Variants in ZEB2 observed in about 807,000 individuals in gnomAD.
The protein encoded by ZEB2 is zinc finger E-box binding homeobox 2.
A neutral mutation model predicts 99.9 loss-of-function variants in ZEB2; 6 were observed. The ratio of observed to expected loss-of-function variants is 0.06; its 90% confidence interval spans 0.03 to 0.12. The LOEUF (loss-of-function observed/expected upper bound fraction) is 0.12, where lower values mean the gene tolerates loss of function less well. Ranked by LOEUF, ZEB2 falls within the 10% of genes least tolerant of loss-of-function variation. ZEB2 has a pLI of 1.00. For synonymous variants in ZEB2, 517 were observed against 542.5 expected (o/e 0.95, Z 0.65); for missense variants, 969 against 1,502.8 (o/e 0.64, Z 5.87).
intron 4 of ZEB2, among the ~76,000 whole-genome samples, chr2:144,423,611 C>T (rs183036370): frequency 6.6e-6 from 1 of 152,218 alleles, no homozygotes; most frequent in Non-Finnish European, 1.5e-5. Context: ...AATTAGGATT[C>T]TTGGTGCTTG....
At chr2:144,402,444 A>G (rs955976728) in intron 6 of ZEB2, among the ~76,000 whole-genome samples, 2 of 152,292 alleles carry the variant, frequency 1.3e-5, no homozygotes, top group Non-Finnish European at 2.9e-5. Context: ...GCCGAGCGCC[A>G]TTGAGGGACC....
intron 4 of ZEB2, among the ~76,000 whole-genome samples, chr2:144,409,030 G>A (rs1158936571): frequency 2.0e-5 from 3 of 152,154 alleles, no homozygotes; most frequent in Admixed American, 1.3e-4. Context: ...TATGAAGAGA[G>A]AATAAAGCAG....
intron 2 of ZEB2, among the ~76,000 whole-genome samples, chr2:144,434,154 G>A (rs571272615): frequency 6.6e-6 from 1 of 152,280 alleles, no homozygotes; most frequent in East Asian, 1.9e-4. Flanking sequence ...ACCAGAAGCA[G>A]AAACTCTATT....
At chr2:144,511,427 T>C in intron 2 of ZEB2, 1 of 1,240,150 alleles carries the variant, frequency 8.1e-7, no homozygotes, top group Non-Finnish European at 1.0e-6. Flanking sequence ...AACTACTAGT[T>C]ACACTTTTCC....
At chr2:144,492,044 T>C (rs1704688184) in intron 2 of ZEB2, among the ~76,000 whole-genome samples, 1 of 152,208 alleles carries the variant, frequency 6.6e-6, no homozygotes, top group South Asian at 2.1e-4. Context: ...TTGTGCTTCT[T>C]CTTTTCTGAT....
chr2:144,385,505 G>A lies in ZEB2; in HGVS notation c.*3946C>T, dbSNP rs1042859309. ...ATAATTGCATTGAGCATGTTTATTTGAATAATTGCCCCATTGCACAATAAA... is the reference window on the plus strand; with the variant it reads ...ATAATTGCATTGAGCATGTTTATTTAAATAATTGCCCCATTGCACAATAAA... On this transcript the variant is annotated 3_prime_UTR_variant, in exon 10 of 10. Coordinates refer to ENST00000627532, the MANE Select transcript of ZEB2 (RefSeq NM_014795.4). 6.6e-6 allele frequency: 1 copy of A among 152,012 alleles called. No individual in the cohort carries two copies. The highest frequency in any genetic ancestry group is 1.5e-5 in the Non-Finnish European group (1 of 68,010). 9.4% of individuals were successfully genotyped at this position (152,012 alleles called of 1,614,324 possible).
intron 2 of ZEB2, among the ~76,000 whole-genome samples, chr2:144,450,636 C>T (rs1226356892): frequency 6.6e-6 from 1 of 152,130 alleles, no homozygotes; most frequent in Non-Finnish European, 1.5e-5. Flanking sequence ...TGGCTTACAA[C>T]TGCATGTTAC....
intron 2 of ZEB2, among the ~76,000 whole-genome samples, chr2:144,508,968 CT>C (rs573618398): frequency 3.9e-4 from 59 of 149,456 alleles, no homozygotes; most frequent in African/African-American, 1.2e-3. Context: ...TTTTTTCTAT[CT>C]TTTTTTTTTC....
In ZEB2 at chr2:144,399,959, T is replaced by C; in HGVS notation, c.1228A>G (p.Ser410Gly). ...CCATTCATAAAGGGACTAGTGCCAC[T>C]AAACCCGTGTGTAGCCATAAGAACT... ...YKVLMATHGF[S>G]GTSPFMNGGL... The change falls in exon 8 of 10, where the codon AGT becomes GGT. Residue 410 changes from serine to glycine, a missense_variant. Physicochemically the swap from Ser to Gly is moderately conservative, Grantham distance 56. Around this residue, in one of 8 missense-constraint regions of ZEB2, gnomAD observed 227 missense variants for 278.2 expected, o/e 0.82. Coordinates refer to ENST00000627532, the MANE Select transcript of ZEB2 (RefSeq NM_014795.4). The surrounding 1 kb of genome is among the most constrained non-coding windows in gnomAD (Gnocchi z 5.6). The C allele has an allele frequency of 6.2e-7, 1 of 1,614,228 alleles. No homozygotes were observed. Among genetic ancestry groups the C allele is most frequent in the Non-Finnish European group, 8.5e-7 (1 of 1,180,026 alleles).
intron 2 of ZEB2, among the ~76,000 whole-genome samples, chr2:144,503,135 G>A (rs1451758068): frequency 4.6e-5 from 7 of 152,056 alleles, no homozygotes; most frequent in African/African-American, 1.7e-4. Context: ...CAGCTAAGAG[G>A]CTACTGGCAA....
At chr2:144,414,217 C>G (rs1703503713) in intron 4 of ZEB2, among the ~76,000 whole-genome samples, 1 of 152,208 alleles carries the variant, frequency 6.6e-6, no homozygotes, top group Admixed American at 6.5e-5. Flanking sequence ...AGCAGTGCCT[C>G]TCTGATTCCA....
intron 2 of ZEB2, among the ~76,000 whole-genome samples, chr2:144,502,812 G>C (rs1704893418): frequency 6.6e-6 from 1 of 151,068 alleles, no homozygotes. Flanking sequence ...TAATTCTTCT[G>C]CTATCTCTTA....
At chr2:144,506,894 C>G (rs1449904165) in intron 2 of ZEB2, among the ~76,000 whole-genome samples, 1 of 152,004 alleles carries the variant, frequency 6.6e-6, no homozygotes, top group Non-Finnish European at 1.5e-5. Context: ...GGCAACGTAA[C>G]TATTAAAGAG....
chr2:144,390,901 T>G (rs988119364), intron 9 of ZEB2, among the ~76,000 whole-genome samples: 2 of 152,172 alleles, frequency 1.3e-5, no homozygotes, highest in Admixed American at 1.3e-4. Flanking sequence ...CTGCCATACT[T>G]GAAAGTTTAT....
At chr2:144,442,068 A>G (rs1034583866) in intron 2 of ZEB2, among the ~76,000 whole-genome samples, 2 of 152,232 alleles carry the variant, frequency 1.3e-5, no homozygotes, top group African/African-American at 4.8e-5. Flanking sequence ...ATAAAGGCCA[A>G]TTCTCAAAAG....
chr2:144,469,948 G>A (rs1704332585), intron 2 of ZEB2, among the ~76,000 whole-genome samples: 2 of 152,174 alleles, frequency 1.3e-5, no homozygotes, highest in African/African-American at 4.8e-5. Flanking sequence ...ACTTCACGCT[G>A]TATTACACGT....
Position 144,449,097 on chromosome 2 carries a change from C to T in ZEB2, c.74-19071G>A, listed in dbSNP as rs542625541. On this transcript the variant is annotated intron_variant, in intron 2 of 9. Transcript: ENST00000627532. ...AGAAACTGGCTGAGCTTTCAGCCTG[C>T]GCACGCTGGGGCAAGGAAGCTGCAC... Among the ~76,000 whole-genome samples, 189 of 152,310 alleles carry T rather than the reference C, an allele frequency of 1.2e-3. 1 individual carries two copies. The highest frequency in any genetic ancestry group is 2.4e-3 in the Admixed American group (36 of 15,308).
rs80120501 is a variant in ZEB2, at chr2:144,409,690, A to C, written c.404-4666T>G. ...GATAACCTTTTCTCTATCCAAAAAA[A>C]GAATATCTAGCTTGGGCAACAAATC... On this transcript the variant is annotated intron_variant, in intron 4 of 9. Transcript: ENST00000627532. Among the ~76,000 whole-genome samples the C allele has an allele frequency of 5.3e-3, 803 of 152,272 alleles. 5 individuals are homozygous for C. The highest frequency in any genetic ancestry group is 0.018 in the African/African-American group (766 of 41,570).
chr2:144,454,436 T>A (rs1220212747), intron 2 of ZEB2, among the ~76,000 whole-genome samples: 1 of 152,184 alleles, frequency 6.6e-6, no homozygotes, highest in Non-Finnish European at 1.5e-5. Flanking sequence ...AAGATAAACC[T>A]GGAATTTCCC....
Sources: allele counts gnomAD v4.1 joint callset (sites outside exome capture counted in the v4.1 genomes callset), GRCh38; gene constraint gnomAD v4.1.1; regional missense constraint gnomAD v4.1.1; non-coding constraint Gnocchi (gnomAD v3.1); transcripts MANE v1.5; gene names NCBI Gene and HGNC (gene_info 2026-07-23, HGNC 2026-07-21).